Variants in COL21A1 observed in about 807,000 individuals in gnomAD.
COL21A1 encodes collagen alpha-1(XXI) chain.
Under a neutral mutation model 137.9 loss-of-function variants are expected in COL21A1, and 149 were observed. The ratio of observed to expected loss-of-function variants is 1.08; its 90% CI spans 0.95 to 1.24. The LOEUF is 1.24. Ranked by LOEUF, COL21A1 falls within the 50% of genes most tolerant of loss-of-function variation. COL21A1 has a pLI of 0.00. For missense variants in COL21A1, 1,167 were observed against 1,158.4 expected (o/e 1.01, Z -0.11); for synonymous variants, 456 against 391.5 (o/e 1.16, Z -1.95).
chr6:56,277,936 C>CTCATATGT (rs1763705904), intron 1 of COL21A1, among the ~76,000 whole-genome samples: 1 of 152,114 alleles, frequency 6.6e-6, no homozygotes, highest in Non-Finnish European at 1.5e-5. Context: ...TTTGTTAATT[C>CTCATATGT]TCATATGTTT....
In COL21A1 at chr6:56,170,831, C is replaced by T. The variant is rs775107663; in HGVS notation, c.844G>A (p.Val282Ile). The change falls in exon 5 of 30, where the codon GTA (valine) becomes ATA (isoleucine). Residue 282 changes from valine to isoleucine, a missense_variant. Coordinates refer to ENST00000244728, the MANE Select transcript of COL21A1 (RefSeq NM_030820.4). ...VFPEGLPPSY[V>I]FVSTQRFKVK... Reference sequence around the variant, plus strand: ...TTAAATCTTTGAGTAGACACAAATACATATGATGGAGGAAGACCTTCTGGG... The same window carrying T: ...TTAAATCTTTGAGTAGACACAAATATATATGATGGAGGAAGACCTTCTGGG... 2 of 1,611,044 alleles carry T rather than the reference C, an allele frequency of 1.2e-6. No individual in the cohort carries two copies. Among genetic ancestry groups the T allele is most frequent in the Non-Finnish European group, 8.5e-7 (1 of 1,178,074 alleles).
chr6:56,365,854 T>C (rs1321165036), intron 1 of COL21A1, among the ~76,000 whole-genome samples: 3 of 152,172 alleles, frequency 2.0e-5, no homozygotes, highest in Non-Finnish European at 2.9e-5. Context: ...TGTTTTCCTT[T>C]CACTATAGCC....
chr6:56,136,818 C>G (rs771101124), intron 12 of COL21A1, among the ~76,000 whole-genome samples: 31 of 151,996 alleles, frequency 2.0e-4, no homozygotes, highest in Non-Finnish European at 2.8e-4. Context: ...GGTTTGATGA[C>G]CTATGATCTA....
intron 1 of COL21A1, among the ~76,000 whole-genome samples, chr6:56,311,696 T>C (rs1204135372): frequency 6.6e-6 from 1 of 152,212 alleles, no homozygotes; most frequent in Non-Finnish European, 1.5e-5. Flanking sequence ...GCTTTAACTT[T>C]AAATACTTGC....
At chr6:56,369,731 C>T (rs1334154778) in intron 1 of COL21A1, among the ~76,000 whole-genome samples, 3 of 152,112 alleles carry the variant, frequency 2.0e-5, no homozygotes, top group African/African-American at 4.8e-5. Flanking sequence ...ATAGCCAATT[C>T]GCCAAAGAAG....
chr6:56,193,144 TA>T (rs1225496067), intron 1 of COL21A1, among the ~76,000 whole-genome samples: 5 of 151,920 alleles, frequency 3.3e-5, no homozygotes, highest in Non-Finnish European at 1.5e-5. Flanking sequence ...GGGAGGGTAA[TA>T]TCACACACCA....
intron 1 of COL21A1, among the ~76,000 whole-genome samples, chr6:56,204,786 A>G (rs1006786671): frequency 2.0e-5 from 3 of 152,226 alleles, no homozygotes; most frequent in Admixed American, 2.0e-4. Context: ...AGGAAGGAAC[A>G]GGCAGCAATT....
intron 21 of COL21A1, among the ~76,000 whole-genome samples, chr6:56,070,225 G>A (rs1766624348): frequency 1.3e-5 from 2 of 151,412 alleles, no homozygotes; most frequent in East Asian, 1.9e-4. Flanking sequence ...AGAAAAGGAG[G>A]CTTTATTCTC....
At chr6:56,121,508 A>G (rs1275060152) in intron 16 of COL21A1, among the ~76,000 whole-genome samples, 1 of 129,360 alleles carries the variant, frequency 7.7e-6, no homozygotes, top group Non-Finnish European at 1.7e-5. Flanking sequence ...GTATATTCAT[A>G]TGTGTATATA....
intron 16 of COL21A1, 67 bp from the exon 17 acceptor site, chr6:56,101,592 A>C: frequency 9.3e-7 from 1 of 1,077,078 alleles, no homozygotes; most frequent in Non-Finnish European, 1.4e-6. Context: ...AAATAACAAT[A>C]TATAACATTA....
intron 1 of COL21A1, among the ~76,000 whole-genome samples, chr6:56,227,061 A>T (rs1366029394): frequency 6.6e-6 from 1 of 151,960 alleles, no homozygotes; most frequent in Non-Finnish European, 1.5e-5. Flanking sequence ...AATAAGTAAA[A>T]GCAGGATACA....
At chr6:56,344,158 CCT>C (rs1765535302) in intron 1 of COL21A1, among the ~76,000 whole-genome samples, 1 of 152,250 alleles carries the variant, frequency 6.6e-6, no homozygotes, top group Admixed American at 6.5e-5. Flanking sequence ...GATTATTTTT[CCT>C]ATAATCGCTA....
intron 1 of COL21A1, among the ~76,000 whole-genome samples, chr6:56,292,791 A>G (rs1003425589): frequency 3.9e-5 from 6 of 152,204 alleles, no homozygotes; most frequent in Admixed American, 1.3e-4. Context: ...TCTGCCACCC[A>G]GTGGAGGATC....
At chr6:56,083,607 A>G (rs946297330) in intron 17 of COL21A1, among the ~76,000 whole-genome samples, 1 of 151,934 alleles carries the variant, frequency 6.6e-6, no homozygotes, top group Non-Finnish European at 1.5e-5. Flanking sequence ...TATTTTGCCT[A>G]CCACAGAAAT....
intron 1 of COL21A1, among the ~76,000 whole-genome samples, chr6:56,332,352 A>C (rs937325187): frequency 7.2e-5 from 11 of 152,032 alleles, no homozygotes; most frequent in Non-Finnish European, 1.3e-4. Context: ...TTTAGAATGC[A>C]AATTCTTAGC....
intron 1 of COL21A1, among the ~76,000 whole-genome samples, chr6:56,285,760 T>G (rs1348518781): frequency 6.6e-6 from 1 of 151,942 alleles, no homozygotes; most frequent in Non-Finnish European, 1.5e-5. Context: ...ATTAAAACCT[T>G]CCTCCAGGAC....
intron 17 of COL21A1, among the ~76,000 whole-genome samples, chr6:56,092,733 A>G (rs982799956): frequency 3.9e-5 from 6 of 152,200 alleles, no homozygotes; most frequent in Non-Finnish European, 2.9e-5. Context: ...ATTACATAAA[A>G]TGATTAAGAA....
At chr6:56,308,960 G>A (rs1364869946) in intron 1 of COL21A1, among the ~76,000 whole-genome samples, 1 of 152,114 alleles carries the variant, frequency 6.6e-6, no homozygotes, top group Non-Finnish European at 1.5e-5. Flanking sequence ...ATCATAGTCA[G>A]GATGGAGGGC....
At position 56,391,783 on chromosome 6, in the gene COL21A1, A is replaced by G. The variant is rs186856779; in HGVS notation, c.-39+2188T>C. Among the ~76,000 whole-genome samples the G allele has an allele frequency of 7.2e-5, 11 of 152,296 alleles. No homozygotes were observed. The East Asian group carries it at 1.9e-3, about 27-fold the overall frequency. On this transcript the variant is annotated intron_variant, in intron 1 of 28. Coordinates refer to the COL21A1 transcript ENST00000370819. ...CTGGATACATTATACAATTTTATAC[A>G]TACAACCTACCAACATGGAACCATG...
Sources: allele counts gnomAD v4.1 joint callset (sites outside exome capture counted in the v4.1 genomes callset), GRCh38; gene constraint gnomAD v4.1.1; transcripts MANE v1.5; gene names NCBI Gene and HGNC (gene_info 2026-07-23, HGNC 2026-07-21).